LAMTOR1: variants seen among roughly 807,000 people sequenced by gnomAD.
LAMTOR1 encodes late endosomal/lysosomal adaptor, MAPK and MTOR activator 1, also known as ragulator complex protein LAMTOR1.
LAMTOR1 carries 8 observed loss-of-function variants against 20.5 expected under a neutral mutation model. The ratio of observed to expected loss-of-function variants is 0.39; its 90% CI spans 0.23 to 0.70. LAMTOR1 has a LOEUF of 0.70. Ranked by LOEUF, LAMTOR1 falls within the 30% of genes least tolerant of loss-of-function variation. LAMTOR1 has a pLI of 0.43. For synonymous variants in LAMTOR1, 77 were observed against 80.9 expected (o/e 0.95, Z 0.26); for missense variants, 135 against 206.2 (o/e 0.65, Z 2.11).
In LAMTOR1 at chr11:72,097,685, C is replaced by A; in HGVS notation, c.*137G>T. On this transcript the variant is annotated 3_prime_UTR_variant, in exon 5 of 5. Transcript: ENST00000278671. ...TGCTCAGGCTTCTAGCCTTCCTCTTCTCCTCCTTCTTCACATTTTTCTCTG... is the reference window on the plus strand; with the variant it reads ...TGCTCAGGCTTCTAGCCTTCCTCTTATCCTCCTTCTTCACATTTTTCTCTG... 6.5e-7 allele frequency: 1 copy of A among 1,542,902 alleles called. No homozygotes were observed. Among genetic ancestry groups the A allele is most frequent in the Non-Finnish European group, 8.7e-7 (1 of 1,143,962 alleles).
intron 2 of LAMTOR1, 58 bp downstream of exon 2, chr11:72,099,053 C>A: frequency 6.2e-7 from 1 of 1,602,880 alleles, no homozygotes; most frequent in Non-Finnish European, 8.5e-7. Context: ...CTCCTTCTAT[C>A]CTAGCCTTTA....
At chr11:72,102,181 T>C (rs968557669) in intron 1 of LAMTOR1, among the ~76,000 whole-genome samples, 1 of 152,218 alleles carries the variant, frequency 6.6e-6, no homozygotes, top group Non-Finnish European at 1.5e-5. Flanking sequence ...TATAATCTAT[T>C]TTTGTGACCA....
intron 4 of LAMTOR1, 148 bp downstream of exon 4, chr11:72,098,141 A>G: frequency 1.8e-6 from 2 of 1,090,370 alleles, no homozygotes; most frequent in Non-Finnish European, 1.3e-6. Context: ...AGTTAAGAGA[A>G]CGAGGTGGGA....
At chr11:72,100,948 G>A (rs936860693) in intron 1 of LAMTOR1, among the ~76,000 whole-genome samples, 7 of 149,880 alleles carry the variant, frequency 4.7e-5, no homozygotes, top group Admixed American at 2.7e-4. Context: ...CAGTATTAAA[G>A]AGCTAAAAAG....
At chr11:72,102,167 G>A (rs1293216658) in intron 1 of LAMTOR1, among the ~76,000 whole-genome samples, 1 of 152,208 alleles carries the variant, frequency 6.6e-6, no homozygotes, top group Non-Finnish European at 1.5e-5. Context: ...CCAAGTACCA[G>A]TGATATAATC....
chr11:72,101,331 C>T (rs1945431152), intron 1 of LAMTOR1, among the ~76,000 whole-genome samples: 1 of 152,254 alleles, frequency 6.6e-6, no homozygotes. Context: ...CAGGGTTTCA[C>T]TGTCTACCTT....
At chr11:72,099,509 G>C (rs145692807) in intron 1 of LAMTOR1, among the ~76,000 whole-genome samples, 66 of 152,266 alleles carry the variant, frequency 4.3e-4, no homozygotes, top group African/African-American at 1.6e-3. Context: ...AATGGACAGA[G>C]GCACAAAGCA....
At position 72,098,557 on chromosome 11, in the gene LAMTOR1, A is replaced by G. The variant is rs2135154516; in HGVS notation, c.267-142T>C. ...GAGGGAAGGTCTCAGCTCATCACAG[A>G]CTCAATCTAGGCCCATCTCCCTTGG... On this transcript the variant is annotated intron_variant, in intron 3 of 4. Coordinates refer to ENST00000278671, the MANE Select transcript of LAMTOR1 (RefSeq NM_017907.3). 3 of 1,093,570 alleles carry G rather than the reference A, an allele frequency of 2.7e-6. No homozygotes were observed. The East Asian group carries it at 7.8e-5, about 29-fold the overall frequency. The allele number at this position is 1,093,570 out of a possible 1,614,324, so 67.7% of individuals were successfully genotyped here.
At chr11:72,099,042 G>T in intron 2 of LAMTOR1, 69 bp downstream of exon 2, 1 of 1,581,746 alleles carries the variant, frequency 6.3e-7, no homozygotes, top group Non-Finnish European at 8.6e-7. Context: ...CCTGAGCCTG[G>T]CTCCTTCTAT....
At chr11:72,099,983 C>T (rs1260131328) in intron 1 of LAMTOR1, among the ~76,000 whole-genome samples, 1 of 152,122 alleles carries the variant, frequency 6.6e-6, no homozygotes. Flanking sequence ...ACAGCTGTAG[C>T]CATGTATGGT....
chr11:72,098,957 T>C, intron 2 of LAMTOR1, 99 bp from the exon 3 acceptor site: 2 of 1,355,478 alleles, frequency 1.5e-6, no homozygotes, highest in East Asian at 2.5e-5. Context: ...CTGACACCAG[T>C]TTCCCTCCTG....
rs764468188 is a variant in LAMTOR1 at position 72,098,307 on chromosome 11, C to T, written c.375G>A (p.Pro125=). The change falls in exon 4 of 5, where the codon CCG becomes CCA. Residue 125 remains proline (P), a synonymous_variant. Coordinates refer to ENST00000278671, the MANE Select transcript of LAMTOR1 (RefSeq NM_017907.3). The part of the protein sequence containing the change: ...PHQVLASEPI[P]FSDLQQVSRI... ...GTCTCACCTGCTGCAAATCAGAGAA[C>T]GGGATGGGCTCACTGGCCAGCACTT... is the stretch of plus-strand genomic sequence containing the variant. 37 of 1,613,628 alleles carry T rather than the reference C, an allele frequency of 2.3e-5. No individual in the cohort carries two copies. The highest frequency in any genetic ancestry group is 3.3e-5 in the South Asian group (3 of 90,974).
At chr11:72,102,300 C>T (rs964640022) in intron 1 of LAMTOR1, among the ~76,000 whole-genome samples, 1 of 152,186 alleles carries the variant, frequency 6.6e-6, no homozygotes, top group East Asian at 1.9e-4. Flanking sequence ...GGAGAGTAGA[C>T]AGCAACTTGA....
chr11:72,098,536 G>T, intron 3 of LAMTOR1, 121 bp from the exon 4 acceptor site: 1 of 1,251,152 alleles, frequency 8.0e-7, no homozygotes. Flanking sequence ...ATCTGGGAGG[G>T]AAGGTCTCAG....
chr11:72,098,665 C>G (rs1416705811), intron 3 of LAMTOR1, 116 bp downstream of exon 3: 5 of 849,054 alleles, frequency 5.9e-6, no homozygotes, highest in African/African-American at 1.7e-5. Context: ...TGTGGTCAGT[C>G]TCCAGGGCTG....
chr11:72,097,834 A>G lies in LAMTOR1; in HGVS notation c.474T>C (p.Phe158=). The change falls in exon 5 of 5, where the codon TTT becomes TTC. Residue 158 remains phenylalanine, a synonymous_variant. Coordinates refer to ENST00000278671, the MANE Select transcript of LAMTOR1 (RefSeq NM_017907.3). Reference sequence around the variant, plus strand: ...AGGACCCCTCTCTTCATGGGATCCCAAACTGTACAACCAGCTCCTCTTTTG... The same window carrying G: ...AGGACCCCTCTCTTCATGGGATCCCGAACTGTACAACCAGCTCCTCTTTTG... ...VDAKEELVVQ[F]GIP The G allele has an allele frequency of 1.2e-6, 2 of 1,614,052 alleles. No homozygotes were observed. Among genetic ancestry groups the G allele is most frequent in the Non-Finnish European group, 1.7e-6 (2 of 1,179,924 alleles).
At chr11:72,099,075 G>A (rs1555052635) in intron 2 of LAMTOR1, 36 bp downstream of exon 2, 5 of 1,609,602 alleles carry the variant, frequency 3.1e-6, no homozygotes, top group Non-Finnish European at 4.2e-6. Flanking sequence ...TATGGATAGA[G>A]GAGCTCTGAC....
intron 4 of LAMTOR1, 153 bp from the exon 5 acceptor site, chr11:72,098,067 A>G: frequency 9.2e-7 from 1 of 1,084,898 alleles, no homozygotes; most frequent in Non-Finnish European, 1.3e-6. Context: ...GAGAGACAGA[A>G]GGAAAAGAAC....
intron 1 of LAMTOR1, 147 bp from the exon 2 acceptor site, chr11:72,099,403 AT>A (rs1743580845): frequency 1.2e-6 from 1 of 861,496 alleles, no homozygotes; most frequent in African/African-American, 1.8e-5. Flanking sequence ...GGAATGCCAG[AT>A]AAGACTCAGT....
Sources: allele counts gnomAD v4.1 joint callset (sites outside exome capture counted in the v4.1 genomes callset), GRCh38; gene constraint gnomAD v4.1.1; transcripts MANE v1.5; gene names NCBI Gene and HGNC (gene_info 2026-07-23, HGNC 2026-07-21).